Variants in CADM2 observed in about 807,000 individuals in gnomAD.
CADM2 encodes the protein cell adhesion molecule 2.
Under a neutral mutation model 49.8 loss-of-function variants are expected in CADM2, and 12 were observed. The ratio of observed to expected loss-of-function variants is 0.24; its 90% confidence interval spans 0.15 to 0.39. CADM2 has a LOEUF of 0.39. Among genes scored for constraint, CADM2 ranks in the 10% least tolerant of loss-of-function variants. The pLI, the probability that CADM2 is intolerant of heterozygous loss-of-function variation, is 1.00. For missense variants in CADM2, 378 were observed against 492.3 expected, an observed-to-expected ratio of 0.77 and a Z score of 2.20; for synonymous variants, 214 against 175.4, an observed-to-expected ratio of 1.22 and a Z score of -1.74.
chr3:85,467,443 T>C (rs1390175305), intron 1 of CADM2, among the ~76,000 whole-genome samples: 1 of 152,194 alleles, frequency 6.6e-6, no homozygotes, highest in Non-Finnish European at 1.5e-5. Context: ...TTAAGGATGA[T>C]AGCTCTTGCT....
intron 7 of CADM2, among the ~76,000 whole-genome samples, chr3:85,937,354 A>G (rs754306525): frequency 2.6e-5 from 4 of 151,898 alleles, no homozygotes; most frequent in African/African-American, 4.8e-5. Context: ...AATGCAAAAT[A>G]TTACCTTTCT....
chr3:84,989,094 A>T (rs184321489), intron 1 of CADM2, among the ~76,000 whole-genome samples: 1 of 152,256 alleles, frequency 6.6e-6, no homozygotes, highest in East Asian at 1.9e-4. Context: ...TTTGGAGACC[A>T]ATTACCTGTT....
At chr3:85,077,229 A>G (rs999353101) in intron 1 of CADM2, among the ~76,000 whole-genome samples, 4 of 152,152 alleles carry the variant, frequency 2.6e-5, no homozygotes, top group African/African-American at 9.7e-5. Flanking sequence ...AGTGAATACT[A>G]GTTGAGGTTT....
chr3:85,481,077 A>T (rs1297551672), intron 1 of CADM2, among the ~76,000 whole-genome samples: 2 of 151,484 alleles, frequency 1.3e-5, no homozygotes, highest in African/African-American at 4.8e-5. Flanking sequence ...ACACAAAAGG[A>T]AGTAGCAAAA....
At chr3:85,639,684 G>A (rs2064644968) in intron 1 of CADM2, among the ~76,000 whole-genome samples, 1 of 152,066 alleles carries the variant, frequency 6.6e-6, no homozygotes, top group Non-Finnish European at 1.5e-5. Flanking sequence ...TTGAACAAGT[G>A]TTTGTATGAT....
At chr3:85,916,725 T>C (rs1336680920) in intron 6 of CADM2, among the ~76,000 whole-genome samples, 16 of 151,970 alleles carry the variant, frequency 1.1e-4, no homozygotes, top group Non-Finnish European at 1.6e-4. Flanking sequence ...TTTCTAGTTC[T>C]AGATCCCTGA....
chr3:85,602,656 C>G lies in CADM2; in HGVS notation c.62-123866C>G, dbSNP rs2063440510. ...AGAATGCTTATACCTGTATTTGATT[C>G]TTATACACCCACTTAATCTAAGTTC... is the stretch of plus-strand genomic sequence containing the variant. On this transcript the variant is annotated intron_variant, in intron 1 of 9. Transcript: ENST00000383699. Among the ~76,000 whole-genome samples, 3 of 151,830 alleles carry G rather than the reference C, an allele frequency of 2.0e-5. No homozygotes were observed. In the South Asian group the frequency reaches 6.2e-4, roughly 31 times the overall value.
At chr3:85,689,960 G>A (rs1292942391) in intron 1 of CADM2, among the ~76,000 whole-genome samples, 1 of 152,196 alleles carries the variant, frequency 6.6e-6, no homozygotes, top group Admixed American at 6.5e-5. Flanking sequence ...TAATTGGAAG[G>A]TGCAGCTTTT....
chr3:85,952,170 G>A (rs1411878220), intron 7 of CADM2, among the ~76,000 whole-genome samples: 1 of 150,898 alleles, frequency 6.6e-6, no homozygotes, highest in Non-Finnish European at 1.5e-5. Flanking sequence ...TTGGACAGGA[G>A]AAAATCAGAG....
At position 85,979,365 on chromosome 3, in the gene CADM2, G is replaced by A; in HGVS notation, c.970+17718G>A. On this transcript the variant is annotated intron_variant, in intron 8 of 9. Transcript: ENST00000383699. ...AGTTTTTAGAAAGGTTAAAAACATTGAGATTCAATTTTACTTAATTATGAG... is the reference window on the plus strand; with the variant it reads ...AGTTTTTAGAAAGGTTAAAAACATTAAGATTCAATTTTACTTAATTATGAG... 2.7e-6 allele frequency: 4 copies of A among 1,463,810 alleles called. No individual in the cohort carries two copies. In the South Asian group the frequency reaches 5.7e-5, roughly 21 times the overall value. The allele number at this position is 1,463,810 out of a possible 1,614,324, so 90.7% of individuals were successfully genotyped here.
Position 85,886,208 on chromosome 3 carries a change from A to T in CADM2, c.410A>T (p.Gln137Leu). The T allele has an allele frequency of 6.2e-7, 1 of 1,613,234 alleles. No homozygotes were observed. The highest frequency in any genetic ancestry group is 8.5e-7 in the Non-Finnish European group (1 of 1,179,428). The change falls in exon 5 of 10, where the codon CAG (glutamine) becomes CTG (leucine). Residue 137 changes from glutamine (Q) to leucine (L), a missense_variant. Transcript: ENST00000383699. ...LTVLGVPEKPQISGFSSPVME... is the reference protein window; with the variant it reads ...LTVLGVPEKPLISGFSSPVME... ...ATTTCAGGTGTTCCTGAAAAGCCTC[A>T]GATTAGTGGATTCTCATCACCAGTT... is the stretch of plus-strand genomic sequence containing the variant.
chr3:85,100,566 G>A (rs1402450396), intron 1 of CADM2, among the ~76,000 whole-genome samples: 1 of 152,248 alleles, frequency 6.6e-6, no homozygotes, highest in African/African-American at 2.4e-5. Flanking sequence ...TCACTTGCAG[G>A]AGTATTTCTA....
intron 3 of CADM2, among the ~76,000 whole-genome samples, chr3:85,834,987 A>G (rs1258803002): frequency 6.6e-6 from 1 of 151,634 alleles, no homozygotes; most frequent in Non-Finnish European, 1.5e-5. Context: ...GCTATATGTG[A>G]GTGTGCTTGC....
In CADM2 at chr3:86,073,965, C is replaced by A; in HGVS notation, c.*7182C>A. 6.6e-6 allele frequency: 1 copy of A among 151,748 alleles called. No homozygotes were observed. Among genetic ancestry groups the A allele is most frequent in the South Asian group, 2.1e-4 (1 of 4,822 alleles). The allele number at this position is 151,748 out of a possible 1,614,324, so 9.4% of individuals were successfully genotyped here. ...TCGTTATTCCTTGGAATATATGAAC[C>A]TTGTAAAGTGATGACTAAGGGTCAA... On this transcript the variant is annotated 3_prime_UTR_variant, in exon 10 of 10. Transcript: ENST00000383699.
At chr3:85,746,391 A>C (rs1368542959) in intron 2 of CADM2, among the ~76,000 whole-genome samples, 2 of 152,182 alleles carry the variant, frequency 1.3e-5, no homozygotes, top group African/African-American at 4.8e-5. Flanking sequence ...CTCATTGAAA[A>C]CAAAGGCTTT....
chr3:84,986,102 T>C (rs927731428), intron 1 of CADM2, among the ~76,000 whole-genome samples: 6 of 152,148 alleles, frequency 3.9e-5, no homozygotes, highest in African/African-American at 7.2e-5. Flanking sequence ...ACATAGAGAA[T>C]TAGGAAAACA....
chr3:85,360,699 C>T (rs75483648), intron 1 of CADM2, among the ~76,000 whole-genome samples: 2,588 of 152,242 alleles, frequency 0.017, 28 homozygotes, highest in South Asian at 0.028. Context: ...TAATTTTTCA[C>T]GTATTTGTTT....
chr3:85,264,642 C>T (rs1371333274), intron 1 of CADM2, among the ~76,000 whole-genome samples: 4 of 151,946 alleles, frequency 2.6e-5, no homozygotes, highest in African/African-American at 9.7e-5. Context: ...TTAATTTGTG[C>T]TAGCAGATCT....
At chr3:86,012,755 C>T (rs1248747168) in intron 8 of CADM2, 8 of 695,042 alleles carry the variant, frequency 1.2e-5, no homozygotes, top group African/African-American at 5.4e-5. Flanking sequence ...TTTGGGAGGC[C>T]GAGGAGGTCA....
Sources: gnomAD v4.1 joint callset for allele counts (sites outside exome capture counted in the v4.1 genomes callset) on GRCh38, gnomAD v4.1.1 for gene constraint, MANE v1.5 for transcripts, NCBI Gene and HGNC (gene_info 2026-07-23, HGNC 2026-07-21) for gene names.